RUFY3: variants seen among roughly 807,000 people sequenced by gnomAD.
RUFY3 encodes the protein RUN and FYVE domain containing 3, also known as protein RUFY3.
Under a neutral mutation model 84.0 loss-of-function variants are expected in RUFY3, and 34 were observed. The observed-to-expected ratio is 0.40, with a 90% confidence interval of 0.31 to 0.54. RUFY3 has a LOEUF of 0.54. Among genes scored for constraint, RUFY3 ranks in the 20% least tolerant of loss-of-function variants. The probability of loss-of-function intolerance (pLI) is 0.39; values close to 1 mark genes in which losing one functional copy is unlikely to be tolerated. For missense variants in RUFY3, 507 were observed against 736.8 expected (o/e 0.69, Z 3.61); for synonymous variants, 242 against 252.9 (o/e 0.96, Z 0.41).
chr4:70,746,113 G>T (rs554381912), intron 1 of RUFY3, among the ~76,000 whole-genome samples: 3 of 152,132 alleles, frequency 2.0e-5, no homozygotes, highest in Non-Finnish European at 2.9e-5. Context: ...GGATGCCAAG[G>T]TGGGCGGATC....
chr4:70,796,805 C>T (rs1358366024), intron 14 of RUFY3, among the ~76,000 whole-genome samples: 1 of 152,070 alleles, frequency 6.6e-6, no homozygotes, highest in African/African-American at 2.4e-5. Flanking sequence ...AGCATTGTCC[C>T]CAAAAGCTTT....
intron 1 of RUFY3, among the ~76,000 whole-genome samples, chr4:70,723,729 T>C (rs1717761178): frequency 6.6e-6 from 1 of 152,216 alleles, no homozygotes; most frequent in South Asian, 2.1e-4. Flanking sequence ...GGAGAAATTC[T>C]TTATAAACAT....
At chr4:70,774,613 TCAAAAAAAAAAAAAA>T (rs1398296284) in intron 6 of RUFY3, among the ~76,000 whole-genome samples, 1 of 14,444 alleles carries the variant, frequency 6.9e-5, no homozygotes, top group Non-Finnish European at 1.1e-4. Context: ...GGACTCTGCC[TCAAAAAAAAAAAAAA>T]AAAAAAAAAA....
intron 1 of RUFY3, among the ~76,000 whole-genome samples, chr4:70,707,419 T>C (rs908128749): frequency 1.3e-5 from 2 of 152,184 alleles, no homozygotes; most frequent in Non-Finnish European, 2.9e-5. Flanking sequence ...CCATTTTTAG[T>C]ATTTTTAGTA....
At chr4:70,765,765 T>C (rs1578137481) in intron 4 of RUFY3, among the ~76,000 whole-genome samples, 1 of 151,608 alleles carries the variant, frequency 6.6e-6, no homozygotes, top group East Asian at 1.9e-4. Context: ...TATCTTTTTT[T>C]TTTTTTTTTG....
chr4:70,740,955 C>G (rs747156615), intron 1 of RUFY3, among the ~76,000 whole-genome samples: 9 of 152,132 alleles, frequency 5.9e-5, no homozygotes, highest in Admixed American at 1.3e-4. Flanking sequence ...CTTTATTCTA[C>G]TTAATCTGAA....
chr4:70,728,285 T>TCTGTGGCTGATC (rs1235456390), intron 1 of RUFY3, among the ~76,000 whole-genome samples: 5 of 152,212 alleles, frequency 3.3e-5, no homozygotes, highest in Non-Finnish European at 7.3e-5. Flanking sequence ...TTTACCCTGA[T>TCTGTGGCTGATC]CTGTGGCTGA....
At chr4:70,798,124 T>C (rs905568743) in intron 14 of RUFY3, among the ~76,000 whole-genome samples, 2 of 152,148 alleles carry the variant, frequency 1.3e-5, no homozygotes, top group Non-Finnish European at 2.9e-5. Flanking sequence ...CCTAACACTT[T>C]GGGAGGCCGT....
At chr4:70,705,042 G>T (rs949832442) in exon 1 of RUFY3, 1 of 1,227,322 alleles carries the variant, frequency 8.1e-7, no homozygotes, top group Non-Finnish European at 1.0e-6. Flanking sequence ...CGCTCCCGCC[G>T]GGGGCACGGA....
At position 70,722,214 on chromosome 4, in the gene RUFY3, G is replaced by A; in HGVS notation, c.-360G>A. 2 of 1,229,822 alleles carry A rather than the reference G, an allele frequency of 1.6e-6. No homozygotes were observed. Among genetic ancestry groups the A allele is most frequent in the Non-Finnish European group, 2.0e-6 (2 of 987,432 alleles). 76.2% of individuals were successfully genotyped at this position (1,229,822 alleles called of 1,614,324 possible). A position where few individuals can be genotyped will look rare whatever the true frequency, so the allele number is the denominator to read the frequency against. On this transcript the variant is annotated 5_prime_UTR_variant, in exon 1 of 18. Coordinates refer to ENST00000381006, the MANE Select transcript of RUFY3 (RefSeq NM_001037442.4). ...AGGCCAGATTTTTAAAGCCAGCTAA[G>A]GCAGCATCAGCTGTGCGGGATTTAA... is the stretch of plus-strand genomic sequence containing the variant.
chr4:70,704,972 C>G (rs573459629), exon 1 of RUFY3: 3 of 1,228,744 alleles, frequency 2.4e-6, no homozygotes, highest in Non-Finnish European at 3.0e-6. Context: ...CCGCTGGTGC[C>G]GAAAGTTGCA....
rs1732928894 is a variant in RUFY3 at position 70,807,137 on chromosome 4, AC to A, written c.*482del. ...TTAGTATAAACATTGTTTCCTCTTC[AC>A]CCCTGCTAACTACCTCTTTAAAGTA... On this transcript the variant is annotated 3_prime_UTR_variant, in exon 18 of 18. Transcript: ENST00000381006. 6.6e-6 allele frequency: 1 copy of A among 152,256 alleles called. No individual in the cohort carries two copies. The highest frequency in any genetic ancestry group is 6.6e-5 in the Admixed American group (1 of 15,258). The allele number at this position is 152,256 out of a possible 1,614,324, so 9.4% of individuals were successfully genotyped here.
At chr4:70,715,588 CAAAAAAAAAAAAAAA>C (rs886636641) in intron 1 of RUFY3, among the ~76,000 whole-genome samples, 17 of 46,666 alleles carry the variant, frequency 3.6e-4, no homozygotes, top group African/African-American at 1.2e-3. Context: ...ACACTATCTC[CAAAAAAAAAAAAAAA>C]AAAAAAAAAA....
intron 8 of RUFY3, 142 bp from the exon 9 acceptor site, chr4:70,782,949 A>G: frequency 3.5e-6 from 2 of 569,094 alleles, no homozygotes; most frequent in Non-Finnish European, 6.1e-6. Flanking sequence ...GAGTTCTTAT[A>G]AGAACATTTT....
intron 1 of RUFY3, among the ~76,000 whole-genome samples, chr4:70,751,863 G>A (rs756545948): frequency 1.3e-5 from 2 of 152,030 alleles, no homozygotes; most frequent in Non-Finnish European, 2.9e-5. Context: ...TTACACTTTG[G>A]TCTCAGATCT....
chr4:70,761,566 C>T (rs1432193525), intron 1 of RUFY3, among the ~76,000 whole-genome samples: 1 of 152,162 alleles, frequency 6.6e-6, no homozygotes, highest in Non-Finnish European at 1.5e-5. Context: ...GACTGTCTCA[C>T]AGCATGTTGT....
In RUFY3 at chr4:70,722,413, C is replaced by CT; in HGVS notation, c.-161_-160insT. ...TGTTCTTAACCTATAAGGTATTTTTCCTTTTTTTTTTTTTTAAACCTCCCC... is the reference window on the plus strand; with the variant it reads ...TGTTCTTAACCTATAAGGTATTTTTCTCTTTTTTTTTTTTTTAAACCTCCCC... On this transcript the variant is annotated 5_prime_UTR_variant, in exon 1 of 18. Transcript: ENST00000381006. The CT allele has an allele frequency of 7.6e-7, 1 of 1,320,778 alleles. No homozygotes were observed. Among genetic ancestry groups the CT allele is most frequent in the South Asian group, 2.2e-5 (1 of 45,338 alleles). 81.8% of individuals were successfully genotyped at this position (1,320,778 alleles called of 1,614,324 possible). A position where few individuals can be genotyped will look rare whatever the true frequency, so the allele number is the denominator to read the frequency against.
At chr4:70,804,540 G>C (rs1732627681) in intron 17 of RUFY3, 124 bp downstream of exon 17, 1 of 640,706 alleles carries the variant, frequency 1.6e-6, no homozygotes, top group South Asian at 2.4e-5. Context: ...TGCTGGGAGT[G>C]GGGTGAAAAG....
rs1357730919 is a variant in RUFY3, at chr4:70,722,122, TG to T, written c.-451del. The T allele has an allele frequency of 1.3e-5, 16 of 1,231,864 alleles. No homozygotes were observed. The African/African-American group carries it at 1.4e-4, about 11-fold the overall frequency. 76.3% of individuals were successfully genotyped at this position (1,231,864 alleles called of 1,614,324 possible). A position where few individuals can be genotyped will look rare whatever the true frequency, so the allele number is the denominator to read the frequency against. ...ACATTGAAAATATAGGTTTATTTTT[TG>T]TTCAGGTTTTTCTTTTATATTTTTT... On this transcript the variant is annotated 5_prime_UTR_variant, in exon 1 of 18. Coordinates refer to ENST00000381006, the MANE Select transcript of RUFY3 (RefSeq NM_001037442.4).
Sources: allele counts gnomAD v4.1 joint callset (sites outside exome capture counted in the v4.1 genomes callset), GRCh38; gene constraint gnomAD v4.1.1; transcripts MANE v1.5; gene names NCBI Gene and HGNC (gene_info 2026-07-23, HGNC 2026-07-21).